Variants in PPARG observed in about 807,000 individuals in gnomAD.
PPARG encodes the protein peroxisome proliferator activated receptor gamma.
A neutral mutation model predicts 39.2 loss-of-function variants in PPARG; 17 were observed. The ratio of observed to expected loss-of-function variants is 0.43; its 90% CI spans 0.30 to 0.65. The LOEUF (loss-of-function observed/expected upper bound fraction) is 0.65, where lower values mean the gene tolerates loss of function less well. Among genes scored for constraint, PPARG ranks in the 30% least tolerant of loss-of-function variants. The pLI is 0.13. For synonymous variants in PPARG, 223 were observed against 215.7 expected (o/e 1.03, Z -0.30); for missense variants, 406 against 585.9 (o/e 0.69, Z 3.17).
intron 2 of PPARG, among the ~76,000 whole-genome samples, chr3:12,354,711 G>A (rs1390121845): frequency 4.7e-5 from 7 of 147,380 alleles, no homozygotes; most frequent in African/African-American, 7.5e-5. Flanking sequence ...CTGAGATTGC[G>A]CCACTGCACT....
At chr3:12,398,808 A>G (rs2050360570) in intron 5 of PPARG, among the ~76,000 whole-genome samples, 10 of 152,250 alleles carry the variant, frequency 6.6e-5, no homozygotes, top group Admixed American at 6.5e-4. Flanking sequence ...GGCCGAGAGA[A>G]AAGCATTCAG....
At chr3:12,305,525 C>A (rs1169897972) in intron 1 of PPARG, among the ~76,000 whole-genome samples, 1 of 152,086 alleles carries the variant, frequency 6.6e-6, no homozygotes, top group Non-Finnish European at 1.5e-5. Context: ...CCTCTTTTTT[C>A]CAAATGCAGA....
chr3:12,373,552 AAAACT>A (rs2049296540), intron 2 of PPARG, among the ~76,000 whole-genome samples: 1 of 152,200 alleles, frequency 6.6e-6, no homozygotes, highest in African/African-American at 2.4e-5. Flanking sequence ...AAGTCTTAAC[AAAACT>A]AAACTATTGA....
chr3:12,360,047 G>A (rs1195801330), intron 2 of PPARG, among the ~76,000 whole-genome samples: 1 of 152,072 alleles, frequency 6.6e-6, no homozygotes, highest in African/African-American at 2.4e-5. Context: ...GAAGTCCTTG[G>A]TTGAATATGT....
At chr3:12,417,550 A>G (rs1337801610) in intron 7 of PPARG, among the ~76,000 whole-genome samples, 1 of 152,154 alleles carries the variant, frequency 6.6e-6, no homozygotes, top group Non-Finnish European at 1.5e-5. Context: ...CTTGATGTAG[A>G]GAAGGGACCA....
intron 2 of PPARG, among the ~76,000 whole-genome samples, chr3:12,362,697 G>A (rs1010297209): frequency 2.0e-5 from 3 of 151,886 alleles, no homozygotes; most frequent in African/African-American, 7.3e-5. Context: ...CCAGTACAGT[G>A]GTGAGTAGAA....
chr3:12,323,440 A>G (rs1281695376), intron 2 of PPARG, among the ~76,000 whole-genome samples: 1 of 151,194 alleles, frequency 6.6e-6, no homozygotes. Context: ...GCGTTTGGAG[A>G]GAGTGCCATG....
chr3:12,325,116 G>A lies in PPARG; in HGVS notation c.-9+12663G>A, dbSNP rs1186179724. 5.9e-5 allele frequency among the ~76,000 whole-genome samples: 9 copies of A among 151,980 alleles called. 1 individual carries two copies. The highest frequency in any genetic ancestry group is 1.9e-4 in the African/African-American group (8 of 41,384). ...AGCCTGGCCAATATGGTGAGACCCC[G>A]TCTCTACTAAAAATACAAAACATTG... is the stretch of plus-strand genomic sequence containing the variant. On this transcript the variant is annotated intron_variant, in intron 2 of 7. Coordinates refer to ENST00000651735, the MANE Select transcript of PPARG (RefSeq NM_138711.6).
Position 12,416,959 on chromosome 3 carries a change from G to C in PPARG, c.985G>C (p.Ala329Pro), listed in dbSNP as rs1381954870. Residue 329 changes from alanine (A) to proline (P), a missense_variant, in exon 7 of 8, where the codon GCC (alanine) becomes CCC (proline). Physicochemically the swap from Ala to Pro is conservative, Grantham distance 27 (BLOSUM62 -1). Transcript: ENST00000651735. Reference sequence around the variant, plus strand: ...CCACGAGATCATTTACACAATGCTGGCCTCCTTGATGAATAAAGATGGGGT... The same window carrying C: ...CCACGAGATCATTTACACAATGCTGCCCTCCTTGATGAATAAAGATGGGGT... The part of the protein sequence containing the change: ...GVHEIIYTML[A>P]SLMNKDGVLI... 6.2e-7 allele frequency: 1 copy of C among 1,613,916 alleles called. No individual in the cohort carries two copies. The highest frequency in any genetic ancestry group is 8.5e-7 in the Non-Finnish European group (1 of 1,180,002).
chr3:12,348,497 T>A (rs2048389106), intron 2 of PPARG, among the ~76,000 whole-genome samples: 1 of 152,212 alleles, frequency 6.6e-6, no homozygotes, highest in African/African-American at 2.4e-5. Flanking sequence ...AGAGTTAAGT[T>A]TTCATCCTCC....
intron 2 of PPARG, among the ~76,000 whole-genome samples, chr3:12,325,542 A>G (rs961073629): frequency 2.6e-5 from 4 of 152,158 alleles, no homozygotes; most frequent in Non-Finnish European, 5.9e-5. Context: ...TGGAGGTTGC[A>G]GTGAGCCGAG....
rs185511084 is a variant in PPARG at position 12,413,676 on chromosome 3, C to T, written c.730-3028C>T. On this transcript the variant is annotated intron_variant, in intron 6 of 7. Coordinates refer to ENST00000651735, the MANE Select transcript of PPARG (RefSeq NM_138711.6). The stretch of plus-strand genomic sequence containing the variant: ...AATAAAAAAATTTAAAAAAAATTGC[C>T]GGGCGTGGTGGTGGGTGCCTGTAAT... Among the ~76,000 whole-genome samples, 247 of 151,942 alleles carry T rather than the reference C, an allele frequency of 1.6e-3. 1 individual carries two copies. The highest frequency in any genetic ancestry group is 5.6e-3 in the African/African-American group (233 of 41,460).
chr3:12,362,583 C>T (rs2048884098), intron 2 of PPARG, among the ~76,000 whole-genome samples: 1 of 151,390 alleles, frequency 6.6e-6, no homozygotes, highest in African/African-American at 2.4e-5. Flanking sequence ...CGAACAACAA[C>T]AACAAAATAC....
At chr3:12,413,325 G>A (rs1339706876) in intron 6 of PPARG, among the ~76,000 whole-genome samples, 3 of 152,132 alleles carry the variant, frequency 2.0e-5, no homozygotes, top group African/African-American at 7.2e-5. Context: ...GCCCACCCAG[G>A]GATCACTCTT....
intron 2 of PPARG, 102 bp from the exon 3 acceptor site, chr3:12,379,602 A>G: frequency 9.3e-7 from 1 of 1,073,740 alleles, no homozygotes; most frequent in South Asian, 1.3e-5. Flanking sequence ...CCCAGATGAG[A>G]TTACTTTGCC....
intron 6 of PPARG, 132 bp downstream of exon 6, chr3:12,406,213 T>C: frequency 1.1e-6 from 1 of 936,444 alleles, no homozygotes; most frequent in Non-Finnish European, 1.7e-6. Context: ...TGTTAACATA[T>C]TGCAGGCTGA....
At chr3:12,383,348 G>A (rs1376391537) in intron 4 of PPARG, among the ~76,000 whole-genome samples, 1 of 152,172 alleles carries the variant, frequency 6.6e-6, no homozygotes, top group African/African-American at 2.4e-5. Context: ...TGAAATCATT[G>A]TATTAAGTCA....
chr3:12,353,147 C>G (rs1264224799), intron 2 of PPARG, among the ~76,000 whole-genome samples: 1 of 152,164 alleles, frequency 6.6e-6, no homozygotes. Flanking sequence ...TGAATTTACT[C>G]TGAGTTTAAT....
chr3:12,296,769 A>G (rs893147342), intron 1 of PPARG, among the ~76,000 whole-genome samples: 2 of 152,166 alleles, frequency 1.3e-5, no homozygotes. Flanking sequence ...AAAGACTACA[A>G]CTTCAAAGAC....
Sources: allele counts gnomAD v4.1 joint callset (sites outside exome capture counted in the v4.1 genomes callset), GRCh38; gene constraint gnomAD v4.1.1; transcripts MANE v1.5; gene names NCBI Gene and HGNC (gene_info 2026-07-23, HGNC 2026-07-21).